Variants in PMFBP1 observed in about 807,000 individuals in gnomAD.
PMFBP1 encodes the protein polyamine-modulated factor 1-binding protein 1.
In PMFBP1, 131 loss-of-function variants were observed where a neutral mutation model predicts 137.8. The ratio of observed to expected loss-of-function variants is 0.95; its 90% CI spans 0.82 to 1.10. PMFBP1 has a LOEUF of 1.10. PMFBP1 is among the 50% of genes least tolerant of loss of function. PMFBP1 has a pLI of 0.00. For synonymous variants in PMFBP1, 490 were observed against 450.4 expected, an observed-to-expected ratio of 1.09 and a Z score of -1.11; for missense variants, 1,199 against 1,175.4, an observed-to-expected ratio of 1.02 and a Z score of -0.29.
intron 14 of PMFBP1, among the ~76,000 whole-genome samples, chr16:72,126,621 G>T (rs1340761125): frequency 6.6e-6 from 1 of 152,206 alleles, no homozygotes; most frequent in African/African-American, 2.4e-5. Context: ...CATGGCACAT[G>T]ACAGAGTTTC....
chr16:72,179,352 A>G (rs904793321), upstream of PMFBP1, among the ~76,000 whole-genome samples: 1 of 152,222 alleles, frequency 6.6e-6, no homozygotes, highest in Non-Finnish European at 1.5e-5. Context: ...CAAGAGCAAC[A>G]TTTCTGAGTG....
chr16:72,162,907 T>G (rs543539336), intron 3 of PMFBP1, among the ~76,000 whole-genome samples: 57 of 152,234 alleles, frequency 3.7e-4, no homozygotes, highest in Admixed American at 1.6e-3. Context: ...CTGAGATCCA[T>G]TTAGGAAACT....
At chr16:72,226,295 G>C in the PMFBP1 span, among the ~76,000 whole-genome samples, 1 of 152,130 alleles carries the variant, frequency 6.6e-6, no homozygotes, top group African/African-American at 2.4e-5. Context: ...ATAATAATTA[G>C]AGCAATTAGC....
the PMFBP1 span, among the ~76,000 whole-genome samples, chr16:72,219,466 C>T: frequency 1.3e-5 from 2 of 152,114 alleles, no homozygotes; most frequent in Non-Finnish European, 1.5e-5. Context: ...TGCTCACTGA[C>T]TGAATGTGCA....
chr16:72,220,357 T>C, the PMFBP1 span, among the ~76,000 whole-genome samples: 1 of 152,174 alleles, frequency 6.6e-6, no homozygotes, highest in Admixed American at 6.5e-5. Flanking sequence ...TTAAAAACGA[T>C]GCTTGAAGGA....
chr16:72,123,065 ATGCTGGGTTCTCAGCAAGAC>A, intron 18 of PMFBP1, 77 bp from the exon 19 acceptor site: 4 of 1,328,004 alleles, frequency 3.0e-6, no homozygotes, highest in Non-Finnish European at 4.3e-6. Flanking sequence ...GCTGAATGGG[ATGCTGGGTTCTCAGCAAGAC>A]TGCTGCTGCA....
At chr16:72,176,558 C>T (rs1172469496), upstream of PMFBP1, among the ~76,000 whole-genome samples, 3 of 152,314 alleles carry the variant, frequency 2.0e-5, no homozygotes, top group East Asian at 5.8e-4. Flanking sequence ...AAGTAGTGCA[C>T]AGCTCTTTGT....
chr16:72,203,569 G>A, the PMFBP1 span, among the ~76,000 whole-genome samples: 2 of 152,120 alleles, frequency 1.3e-5, no homozygotes, highest in South Asian at 4.1e-4. Flanking sequence ...TGGGGCTGCT[G>A]TTTCTCCGGC....
chr16:72,154,568 CT>C, intron 3 of PMFBP1, 109 bp from the exon 4 acceptor site: 1 of 1,254,736 alleles, frequency 8.0e-7, no homozygotes, highest in Non-Finnish European at 1.1e-6. Context: ...ATCTATCCAT[CT>C]TTTTATCTTT....
At chr16:72,223,884 G>T in the PMFBP1 span, among the ~76,000 whole-genome samples, 1 of 152,148 alleles carries the variant, frequency 6.6e-6, no homozygotes, top group Non-Finnish European at 1.5e-5. Flanking sequence ...CCTTCTTAAA[G>T]GTTCCTATCT....
chr16:72,164,909 TC>T lies in PMFBP1; in HGVS notation c.19del (p.Glu7ArgfsTer6). On this transcript the variant is annotated frameshift_variant, in exon 3 of 21. Transcript: ENST00000237353. LOFTEE classifies it high-confidence loss of function. MKDEAG[E>X]RDREVSSLNS... ...CAGGCTGCTCACTTCTCTGTCTCTC[TC>T]CCCCGCCTAGGCAGCCAGAAAAACA... 6.3e-7 allele frequency: 1 copy of T among 1,584,524 alleles called. No individual in the cohort carries two copies. The highest frequency in any genetic ancestry group is 8.6e-7 in the Non-Finnish European group (1 of 1,158,632).
chr16:72,183,504 T>G, the PMFBP1 span, among the ~76,000 whole-genome samples: 1 of 152,198 alleles, frequency 6.6e-6, no homozygotes, highest in African/African-American at 2.4e-5. Context: ...GTGTTCTCCC[T>G]ATGTGCATGT....
the PMFBP1 span, among the ~76,000 whole-genome samples, chr16:72,195,981 ATGTGTGTGTGTGTGTGTGTGTGTGTG>A: frequency 2.8e-5 from 4 of 144,952 alleles, no homozygotes; most frequent in Admixed American, 2.1e-4. Context: ...AGCTTACAGA[ATGTGTGTGTGTGTGTGTGTGTGTGTG>A]TGTGTGTGTG....
At position 72,124,811 on chromosome 16, in the gene PMFBP1, C is replaced by A. The variant is rs1212766499; in HGVS notation, c.2545G>T (p.Glu849Ter). 6.2e-7 allele frequency: 1 copy of A among 1,614,200 alleles called. No homozygotes were observed. The highest frequency in any genetic ancestry group is 8.5e-7 in the Non-Finnish European group (1 of 1,180,036). The part of the protein sequence containing the change: ...KEEQLREFQE[E>*]MAALKENLLE... ...AGGTTCTCTTTTAAGGCGGCCATCT[C>A]CTCCTGGAACTCCCTGAGCTGCTCC... The change falls in exon 17 of 21, where the codon GAG becomes TAG. Residue 849 changes from glutamate (E) to a stop codon, truncating the protein, a stop_gained. Coordinates refer to ENST00000237353, the MANE Select transcript of PMFBP1 (RefSeq NM_031293.3). LOFTEE classifies it high-confidence loss of function.
At chr16:72,149,385 A>G (rs558007467) in intron 5 of PMFBP1, among the ~76,000 whole-genome samples, 1 of 152,320 alleles carries the variant, frequency 6.6e-6, no homozygotes, top group East Asian at 1.9e-4. Context: ...ATATCCTTTG[A>G]CCCAGCAATC....
chr16:72,245,058 T>C, the PMFBP1 span, among the ~76,000 whole-genome samples: 2 of 152,056 alleles, frequency 1.3e-5, no homozygotes, highest in African/African-American at 2.4e-5. Flanking sequence ...GTAATCCTGG[T>C]GGGGGCAGTC....
chr16:72,181,377 T>G (rs1406404531), upstream of PMFBP1, among the ~76,000 whole-genome samples: 1 of 152,228 alleles, frequency 6.6e-6, no homozygotes, highest in African/African-American at 2.4e-5. Flanking sequence ...TTTTGTCTTT[T>G]ACCTCTTTTA....
At chr16:72,225,934 G>GACACACACACACACAC in the PMFBP1 span, among the ~76,000 whole-genome samples, 466 of 140,746 alleles carry the variant, frequency 3.3e-3, 5 homozygotes, top group African/African-American at 0.012. Context: ...CACACTCACA[G>GACACACACACACACAC]ACACACACAC....
intron 7 of PMFBP1, among the ~76,000 whole-genome samples, chr16:72,139,003 T>C (rs1028873956): frequency 6.6e-6 from 1 of 151,784 alleles, no homozygotes; most frequent in Non-Finnish European, 1.5e-5. Flanking sequence ...ACGAGGAGGC[T>C]AGATGGTCCT....
Sources: allele counts gnomAD v4.1 joint callset (sites outside exome capture counted in the v4.1 genomes callset), GRCh38; gene constraint gnomAD v4.1.1; transcripts MANE v1.5; gene names NCBI Gene and HGNC (gene_info 2026-07-23, HGNC 2026-07-21).